Variants in FBN1 observed in about 807,000 individuals in gnomAD.
FBN1 encodes fibrillin-1.
Under a neutral mutation model 365.1 loss-of-function variants are expected in FBN1, and 29 were observed. The ratio of observed to expected loss-of-function variants is 0.08; its 90% CI spans 0.06 to 0.11. FBN1 has a LOEUF of 0.11. Ranked by LOEUF, FBN1 falls within the 10% of genes least tolerant of loss-of-function variation. The pLI is 1.00. For missense variants in FBN1, 2,476 were observed against 3,703.2 expected (o/e 0.67, Z 8.60); for synonymous variants, 1,210 against 1,270.5 (o/e 0.95, Z 1.01).
rs757316301 is a variant in FBN1, at chr15:48,468,076, C to T, written c.4609G>A (p.Asp1537Asn). The T allele has an allele frequency of 1.4e-5, 23 of 1,613,998 alleles. No homozygotes were observed. The highest frequency in any genetic ancestry group is 1.8e-5 in the Non-Finnish European group (21 of 1,180,032). Reference sequence around the variant, plus strand: ...CCATTGTCTCCTCGAGGTCGAATATCCAAATAGCAATTTCCAGAGCGGGTA... The same window carrying T: ...CCATTGTCTCCTCGAGGTCGAATATTCAAATAGCAATTTCCAGAGCGGGTA... ...VDTRSGNCYL[D>N]IRPRGDNGDT... Residue 1537 changes from aspartate to asparagine, a missense_variant, in exon 38 of 66, where the codon GAT becomes AAT. By Grantham distance (23) the Asp-to-Asn change is conservative (BLOSUM62 1). This residue lies in a region of FBN1 where 1,780 missense variants were observed against 2,840.8 expected (regional missense o/e 0.63). Coordinates refer to ENST00000316623, the MANE Select transcript of FBN1 (RefSeq NM_000138.5).
intron 18 of FBN1, among the ~76,000 whole-genome samples, 164 bp downstream of exon 18, chr15:48,498,821 C>T (rs1213459817): frequency 2.0e-5 from 3 of 152,314 alleles, no homozygotes; most frequent in East Asian, 3.9e-4. Flanking sequence ...GCCCCGGCTG[C>T]TCTGCCACTG....
intron 6 of FBN1, among the ~76,000 whole-genome samples, chr15:48,568,405 A>G (rs2044277942): frequency 6.6e-6 from 1 of 152,172 alleles, no homozygotes; most frequent in African/African-American, 2.4e-5. Context: ...CACAGAATGG[A>G]AAAATCAATA....
At chr15:48,583,280 C>G in intron 6 of FBN1, among the ~76,000 whole-genome samples, 1 of 152,318 alleles carries the variant, frequency 6.6e-6, no homozygotes, top group East Asian at 1.9e-4. Flanking sequence ...TATGGATAGA[C>G]TTAACAAAAC....
intron 17 of FBN1, among the ~76,000 whole-genome samples, chr15:48,500,729 C>G (rs375784669): frequency 6.6e-6 from 1 of 152,126 alleles, no homozygotes; most frequent in African/African-American, 2.4e-5. Flanking sequence ...ATTACACTCC[C>G]GTGGGTTTAA....
chr15:48,594,988 C>T (rs2044505845), intron 6 of FBN1, among the ~76,000 whole-genome samples: 2 of 152,110 alleles, frequency 1.3e-5, no homozygotes, highest in South Asian at 4.1e-4. Flanking sequence ...CACATCTGTG[C>T]AAGTTGTAAA....
intron 32 of FBN1, among the ~76,000 whole-genome samples, chr15:48,480,059 A>C (rs1237671689): frequency 6.6e-6 from 1 of 152,214 alleles, no homozygotes; most frequent in Non-Finnish European, 1.5e-5. Context: ...ATTAAATAAC[A>C]TGAAAATTTA....
chr15:48,532,544 C>G (rs1253277183), intron 8 of FBN1, among the ~76,000 whole-genome samples: 4 of 149,062 alleles, frequency 2.7e-5, no homozygotes, highest in African/African-American at 9.8e-5. Flanking sequence ...AAAATCTATT[C>G]CAGAATAATA....
At position 48,496,649 on chromosome 15, in the gene FBN1, T is replaced by G. The variant is rs1424453300; in HGVS notation, c.2294-424A>C. 2.6e-5 allele frequency among the ~76,000 whole-genome samples: 4 copies of G among 152,322 alleles called. No homozygotes were observed. The East Asian group carries it at 7.7e-4, about 29-fold the overall frequency. The stretch of plus-strand genomic sequence containing the variant: ...GAAAGTATGGTCCAACTTTGAAATG[T>G]GTTAGTTCCAGAATGGGTGTTTCTT... On this transcript the variant is annotated intron_variant, in intron 19 of 65. Coordinates refer to ENST00000316623, the MANE Select transcript of FBN1 (RefSeq NM_000138.5).
chr15:48,443,141 T>C (rs1008198310), intron 49 of FBN1, among the ~76,000 whole-genome samples: 1 of 152,208 alleles, frequency 6.6e-6, no homozygotes, highest in Non-Finnish European at 1.5e-5. Context: ...TGCCATGTTA[T>C]TGGGTTGCAT....
At chr15:48,437,285 A>G in intron 52 of FBN1, 37 bp downstream of exon 52, 1 of 1,574,832 alleles carries the variant, frequency 6.3e-7, no homozygotes, top group Non-Finnish European at 8.7e-7. Context: ...GATTGAGAAT[A>G]CTGAGAAATG....
intron 65 of FBN1, among the ~76,000 whole-genome samples, 164 bp from the exon 66 acceptor site, chr15:48,411,543 G>T (rs1354969290): frequency 1.3e-5 from 2 of 152,170 alleles, no homozygotes. Context: ...TATTAAATTG[G>T]CACATATTTG....
At chr15:48,493,465 C>A (rs911144436) in intron 23 of FBN1, among the ~76,000 whole-genome samples, 1 of 152,050 alleles carries the variant, frequency 6.6e-6, no homozygotes, top group Non-Finnish European at 1.5e-5. Context: ...TGGAATCTAC[C>A]TTTTTGGGTT....
Position 48,409,753 on chromosome 15 carries a change from T to C in FBN1, c.*1237A>G, listed in dbSNP as rs1283531632. ...GATAAATCTATTATAATGAAATTCA[T>C]GTGCTCTAAGACAATGACTGAACTT... On this transcript the variant is annotated 3_prime_UTR_variant, in exon 66 of 66. Coordinates refer to ENST00000316623, the MANE Select transcript of FBN1 (RefSeq NM_000138.5). 1 of 152,234 alleles carries C rather than the reference T, an allele frequency of 6.6e-6. No individual in the cohort carries two copies. The highest frequency in any genetic ancestry group is 1.5e-5 in the Non-Finnish European group (1 of 68,040). The allele number at this position is 152,234 out of a possible 1,614,324, so 9.4% of individuals were successfully genotyped here.
chr15:48,627,484 G>C (rs1000408245), intron 2 of FBN1, among the ~76,000 whole-genome samples: 2 of 152,178 alleles, frequency 1.3e-5, no homozygotes, highest in Non-Finnish European at 2.9e-5. Flanking sequence ...AGCTGGCATT[G>C]GAATGTGTTA....
At chr15:48,644,406 C>T (rs942237778) in intron 2 of FBN1, 200 bp downstream of exon 2, 2 of 722,668 alleles carry the variant, frequency 2.8e-6, no homozygotes, top group Admixed American at 2.3e-5. Flanking sequence ...CACGTCCTCT[C>T]CTTTGGGGCA....
At chr15:48,553,781 G>A (rs2044160120) in intron 6 of FBN1, among the ~76,000 whole-genome samples, 1 of 152,108 alleles carries the variant, frequency 6.6e-6, no homozygotes, top group Non-Finnish European at 1.5e-5. Context: ...TTTAATACAG[G>A]AAATTCCATA....
chr15:48,634,346 T>C (rs1351288053), intron 2 of FBN1, among the ~76,000 whole-genome samples: 1 of 152,214 alleles, frequency 6.6e-6, no homozygotes, highest in Non-Finnish European at 1.5e-5. Context: ...GTCTTTCTTT[T>C]ATGTCCTGAC....
At chr15:48,540,537 C>T (rs1436667339) in intron 6 of FBN1, among the ~76,000 whole-genome samples, 1 of 152,056 alleles carries the variant, frequency 6.6e-6, no homozygotes, top group Admixed American at 6.5e-5. Flanking sequence ...AATTTTCTTA[C>T]TGTCTATCAT....
At chr15:48,412,013 AC>A (rs1048542977) in intron 65 of FBN1, among the ~76,000 whole-genome samples, 40 of 152,314 alleles carry the variant, frequency 2.6e-4, no homozygotes, top group Admixed American at 2.2e-3. Flanking sequence ...CCTCTCTGGG[AC>A]CACATGTGCT....
Sources: allele counts gnomAD v4.1 joint callset (sites outside exome capture counted in the v4.1 genomes callset), GRCh38; gene constraint gnomAD v4.1.1; regional missense constraint gnomAD v4.1.1; transcripts MANE v1.5; gene names NCBI Gene and HGNC (gene_info 2026-07-23, HGNC 2026-07-21).